The following CNTN6 variants were observed in gnomAD, a reference collection of about 807,000 sequenced individuals.
CNTN6 encodes contactin-6.
In CNTN6, 137 loss-of-function variants were observed where a neutral mutation model predicts 122.8. The observed-to-expected ratio is 1.12, with a 90% CI of 0.97 to 1.29. The LOEUF is 1.29. Among genes scored for constraint, CNTN6 ranks in the 50% most tolerant of loss-of-function variants. CNTN6 has a pLI of 0.00. For synonymous variants in CNTN6, 570 were observed against 426.0 expected, an observed-to-expected ratio of 1.34 and a Z score of -4.16; for missense variants, 1,634 against 1,223.4, an observed-to-expected ratio of 1.34 and a Z score of -5.01.
At chr3:1,246,608 A>G (rs1398774241) in intron 4 of CNTN6, among the ~76,000 whole-genome samples, 1 of 152,082 alleles carries the variant, frequency 6.6e-6, no homozygotes, top group East Asian at 1.9e-4. Flanking sequence ...ATAACACCAA[A>G]TTGTTGTCTA....
intron 1 of CNTN6, among the ~76,000 whole-genome samples, chr3:1,094,870 ACT>A (rs1423150137): frequency 3.3e-5 from 5 of 152,022 alleles, no homozygotes; most frequent in Admixed American, 2.0e-4. Context: ...TTATTTATTC[ACT>A]GTTTATTTTA....
Position 1,253,105 on chromosome 3 carries a change from G to T in CNTN6, c.358+25112G>T, listed in dbSNP as rs560341217. Among the ~76,000 whole-genome samples, 3 of 152,198 alleles carry T rather than the reference G, an allele frequency of 2.0e-5. No homozygotes were observed. The South Asian group carries it at 6.2e-4, about 32-fold the overall frequency. The stretch of plus-strand genomic sequence containing the variant: ...TCATCCTCTTTTATTTTGCCAGCAG[G>T]CAAAGCCCCTTCAGAATACCTAATT... On this transcript the variant is annotated intron_variant, in intron 4 of 22. Transcript: ENST00000446702.
intron 7 of CNTN6, among the ~76,000 whole-genome samples, chr3:1,311,402 A>G (rs1699257514): frequency 1.1e-5 from 1 of 90,176 alleles, no homozygotes; most frequent in Non-Finnish European, 2.1e-5. Flanking sequence ...ACATATATGT[A>G]CATATAAAAT....
chr3:1,171,941 T>C (rs2093364877), intron 2 of CNTN6, among the ~76,000 whole-genome samples: 1 of 152,150 alleles, frequency 6.6e-6, no homozygotes, highest in Admixed American at 6.6e-5. Flanking sequence ...TGCTCATAAT[T>C]CTAAAGAACC....
chr3:1,282,250 C>A (rs1314222369), intron 5 of CNTN6, among the ~76,000 whole-genome samples: 1 of 146,250 alleles, frequency 6.8e-6, no homozygotes, highest in Non-Finnish European at 1.5e-5. Context: ...CCAGCATAGG[C>A]CTTCTGTGGA....
At chr3:1,162,752 G>T (rs894009929) in intron 2 of CNTN6, among the ~76,000 whole-genome samples, 2 of 152,218 alleles carry the variant, frequency 1.3e-5, no homozygotes, top group African/African-American at 2.4e-5. Context: ...CCAAAAGCAC[G>T]TGAGGATTGA....
intron 1 of CNTN6, among the ~76,000 whole-genome samples, chr3:1,116,849 C>T (rs1284330905): frequency 2.6e-5 from 4 of 152,058 alleles, no homozygotes; most frequent in Middle Eastern, 3.4e-3. Context: ...GGATTACAGG[C>T]GCCTGCCACC....
intron 7 of CNTN6, among the ~76,000 whole-genome samples, chr3:1,319,565 A>C (rs1700561303): frequency 6.6e-6 from 1 of 150,968 alleles, no homozygotes; most frequent in Admixed American, 6.6e-5. Context: ...AATATAAATA[A>C]CTAAGAGCAG....
chr3:1,093,352 G>C (rs1413808169), intron 1 of CNTN6, among the ~76,000 whole-genome samples: 2 of 152,110 alleles, frequency 1.3e-5, no homozygotes, highest in African/African-American at 4.8e-5. Flanking sequence ...GGGAGGTTAG[G>C]ATCAAACCAG....
chr3:1,261,533 G>A (rs911734952), intron 4 of CNTN6, among the ~76,000 whole-genome samples: 1 of 152,028 alleles, frequency 6.6e-6, no homozygotes, highest in Non-Finnish European at 1.5e-5. Context: ...TGGTAACCTG[G>A]CCTGCTTTCT....
chr3:1,302,772 G>C (rs1351398494), intron 7 of CNTN6, among the ~76,000 whole-genome samples: 3 of 151,964 alleles, frequency 2.0e-5, no homozygotes, highest in Non-Finnish European at 2.9e-5. Flanking sequence ...TGTTTTCTCT[G>C]AAATTCCTGA....
chr3:1,104,954 C>T (rs1358889002), intron 1 of CNTN6, among the ~76,000 whole-genome samples: 1 of 152,064 alleles, frequency 6.6e-6, no homozygotes, highest in Non-Finnish European at 1.5e-5. Context: ...ATCTTTTACA[C>T]AATTTATTGA....
intron 4 of CNTN6, among the ~76,000 whole-genome samples, chr3:1,239,245 G>C (rs546247767): frequency 1.3e-5 from 2 of 152,146 alleles, no homozygotes; most frequent in Non-Finnish European, 2.9e-5. Context: ...GTTTGCTGAC[G>C]TTACGATTGT....
intron 7 of CNTN6, among the ~76,000 whole-genome samples, chr3:1,306,881 A>G (rs1379910452): frequency 6.6e-6 from 1 of 152,200 alleles, no homozygotes; most frequent in South Asian, 2.1e-4. Context: ...TAGATTTATC[A>G]TTTTAAATTC....
intron 10 of CNTN6, among the ~76,000 whole-genome samples, chr3:1,327,854 A>C (rs1370526430): frequency 6.6e-6 from 1 of 151,872 alleles, no homozygotes; most frequent in African/African-American, 2.4e-5. Flanking sequence ...TGAATTTTTG[A>C]GTATAACTCA....
At chr3:1,367,605 G>A (rs1708419834) in intron 12 of CNTN6, among the ~76,000 whole-genome samples, 1 of 152,028 alleles carries the variant, frequency 6.6e-6, no homozygotes, top group Non-Finnish European at 1.5e-5. Context: ...TGCTGCTGCT[G>A]CTGCTTCACC....
At position 1,300,510 on chromosome 3, in the gene CNTN6, AAAGAAAG is replaced by A. The variant is rs1559754541; in HGVS notation, c.761+2522_761+2528del. ...AAGGAAGGAAAAAGAAAAGAAAGAGAAAGAAAGAAAGAAAGATAAAGAAAGAGAGAGA... is the reference window on the plus strand; with the variant it reads ...AAGGAAGGAAAAAGAAAAGAAAGAGAAAAGAAAGATAAAGAAAGAGAGAGA... On this transcript the variant is annotated intron_variant, in intron 7 of 22. Transcript: ENST00000446702. Among the ~76,000 whole-genome samples, 80 of 136,896 alleles carry A rather than the reference AAAGAAAG, an allele frequency of 5.8e-4. 1 individual carries two copies. The highest frequency in any genetic ancestry group is 2.1e-3 in the African/African-American group (77 of 36,404). 89.8% of individuals were successfully genotyped at this position (136,896 alleles called of 152,430 possible).
intron 4 of CNTN6, among the ~76,000 whole-genome samples, chr3:1,250,323 C>T (rs1290674109): frequency 6.6e-6 from 1 of 152,178 alleles, no homozygotes; most frequent in Non-Finnish European, 1.5e-5. Context: ...AGAAGCATCT[C>T]ACTTCTACCT....
At chr3:1,160,672 A>G (rs1056884326) in intron 2 of CNTN6, among the ~76,000 whole-genome samples, 10 of 151,522 alleles carry the variant, frequency 6.6e-5, no homozygotes, top group Non-Finnish European at 1.3e-4. Context: ...TAAAAAAAAA[A>G]AAAAAGAAAA....
Sources: allele counts gnomAD v4.1 joint callset (sites outside exome capture counted in the v4.1 genomes callset), GRCh38; gene constraint gnomAD v4.1.1; transcripts MANE v1.5; gene names NCBI Gene and HGNC (gene_info 2026-07-23, HGNC 2026-07-21).